The following NKAIN3 variants were observed in gnomAD, a reference collection of about 807,000 sequenced individuals.
NKAIN3 encodes the protein sodium/potassium transporting ATPase interacting 3, also known as sodium/potassium-transporting ATPase subunit beta-1-interacting protein 3.
In NKAIN3, 25 loss-of-function variants were observed where a neutral mutation model predicts 30.2. The ratio of observed to expected loss-of-function variants is 0.83; its 90% CI spans 0.60 to 1.16. The LOEUF (loss-of-function observed/expected upper bound fraction) is 1.16. Ranked by LOEUF, NKAIN3 falls within the 50% of genes most tolerant of loss-of-function variation. The pLI is 0.00. For synonymous variants in NKAIN3, 91 were observed against 89.6 expected (o/e 1.02, Z -0.09); for missense variants, 225 against 254.1 (o/e 0.89, Z 0.78).
intron 5 of NKAIN3, among the ~76,000 whole-genome samples, chr8:62,944,159 CATATAT>C (rs953065096): frequency 1.6e-4 from 25 of 152,022 alleles, no homozygotes; most frequent in Admixed American, 3.3e-4. Flanking sequence ...CCCATTGAAA[CATATAT>C]ATATAACTAT....
intron 1 of NKAIN3, among the ~76,000 whole-genome samples, chr8:62,479,731 G>A (rs1167078101): frequency 1.3e-5 from 2 of 152,150 alleles, no homozygotes. Flanking sequence ...GAGGATCACG[G>A]CTGTTAGGAG....
intron 1 of NKAIN3, among the ~76,000 whole-genome samples, chr8:62,378,412 C>T (rs996476034): frequency 6.6e-6 from 1 of 152,150 alleles, no homozygotes; most frequent in Non-Finnish European, 1.5e-5. Flanking sequence ...TAATAAGGAG[C>T]CAAATGCTAA....
At chr8:62,354,440 TTTTC>T (rs777429357) in intron 1 of NKAIN3, among the ~76,000 whole-genome samples, 1 of 152,090 alleles carries the variant, frequency 6.6e-6, no homozygotes, top group African/African-American at 2.4e-5. Context: ...ACAGTTTCTT[TTTTC>T]TTTCTTTCTT....
intron 1 of NKAIN3, among the ~76,000 whole-genome samples, chr8:62,382,289 A>G (rs529200346): frequency 8.5e-4 from 130 of 152,278 alleles, no homozygotes; most frequent in Non-Finnish European, 1.6e-3. Context: ...TATGTTTACT[A>G]TTCATTAAGT....
intron 4 of NKAIN3, among the ~76,000 whole-genome samples, chr8:62,895,040 A>C (rs1469027040): frequency 6.6e-6 from 1 of 152,212 alleles, no homozygotes; most frequent in Non-Finnish European, 1.5e-5. Context: ...TTAAGGTTTT[A>C]AGTAGGTTTT....
At chr8:62,345,502 T>TGTATATATACACACATATGTATATATAC (rs1563942779) in intron 1 of NKAIN3, among the ~76,000 whole-genome samples, 2 of 20,696 alleles carry the variant, frequency 9.7e-5, no homozygotes, top group African/African-American at 3.5e-4. Context: ...CACACATATA[T>TGTATATATACACACATATGTATATATAC]ACACATATAT....
At chr8:62,895,305 G>A (rs944954322) in intron 4 of NKAIN3, among the ~76,000 whole-genome samples, 3 of 152,198 alleles carry the variant, frequency 2.0e-5, no homozygotes, top group African/African-American at 7.2e-5. Flanking sequence ...TCCTCTAAAA[G>A]ATAGGCTCTG....
chr8:62,947,278 CACTT>C (rs1280011599), intron 5 of NKAIN3, among the ~76,000 whole-genome samples: 3 of 152,150 alleles, frequency 2.0e-5, no homozygotes, highest in Non-Finnish European at 2.9e-5. Flanking sequence ...AGGCAGCAAA[CACTT>C]GCTCAGTGCC....
At chr8:62,433,541 G>A (rs1024332978) in intron 1 of NKAIN3, among the ~76,000 whole-genome samples, 3 of 152,070 alleles carry the variant, frequency 2.0e-5, no homozygotes, top group African/African-American at 7.2e-5. Context: ...TGTCCACTGA[G>A]ACGGTTTTAC....
rs1585633381 is a variant in NKAIN3 at position 62,969,938 on chromosome 8, T to C, written c.*4531T>C. On this transcript the variant is annotated 3_prime_UTR_variant, in exon 7 of 7. Transcript: ENST00000623646. ...GACCAGACACAGTGGCTCATGCCTG[T>C]AATCCCAAAGCTTTGGGAAGTTGAG... Among the ~76,000 whole-genome samples the C allele has an allele frequency of 1.3e-5, 2 of 152,296 alleles. No homozygotes were observed. The highest frequency in any genetic ancestry group is 3.9e-4 in the East Asian group (2 of 5,184).
rs146189608 is a variant in NKAIN3, at chr8:62,756,321, A to G, written c.471+9192A>G. Among the ~76,000 whole-genome samples, 116 of 152,290 alleles carry G rather than the reference A, an allele frequency of 7.6e-4. 1 individual carries two copies. Among genetic ancestry groups the G allele is most frequent in the African/African-American group, 2.4e-3 (101 of 41,580 alleles). On this transcript the variant is annotated intron_variant, in intron 4 of 6. Transcript: ENST00000623646. ...TAGACTTGCCTCTACTGGATATGTC[A>G]TATAAATGTGGTCTTTCGTGTTTGG...
intron 4 of NKAIN3, among the ~76,000 whole-genome samples, chr8:62,849,891 T>C (rs1405264154): frequency 2.0e-5 from 3 of 152,056 alleles, no homozygotes; most frequent in Non-Finnish European, 2.9e-5. Context: ...TCTTTGCTAT[T>C]GTGAATAGTG....
At chr8:62,511,585 G>T (rs1242919815) in intron 1 of NKAIN3, among the ~76,000 whole-genome samples, 1 of 152,110 alleles carries the variant, frequency 6.6e-6, no homozygotes, top group East Asian at 1.9e-4. Flanking sequence ...GAAAGACAAA[G>T]GCCCTGACAT....
intron 4 of NKAIN3, among the ~76,000 whole-genome samples, chr8:62,864,346 G>T (rs564214347): frequency 2.4e-4 from 37 of 152,024 alleles, no homozygotes; most frequent in Non-Finnish European, 4.4e-4. Flanking sequence ...AGATGATGTA[G>T]ATCAGGAACT....
chr8:62,400,401 A>G (rs550254588), intron 1 of NKAIN3, among the ~76,000 whole-genome samples: 2 of 152,128 alleles, frequency 1.3e-5, no homozygotes, highest in South Asian at 4.2e-4. Context: ...CGAACTCCTG[A>G]TCTCAAGTGA....
chr8:62,496,871 T>G (rs543711840), intron 1 of NKAIN3, among the ~76,000 whole-genome samples: 12 of 152,260 alleles, frequency 7.9e-5, no homozygotes, highest in African/African-American at 2.4e-4. Flanking sequence ...ATTTTTAATT[T>G]CCGTACGTGG....
chr8:62,412,084 A>G (rs560665570), intron 1 of NKAIN3, among the ~76,000 whole-genome samples: 60 of 152,326 alleles, frequency 3.9e-4, no homozygotes, highest in East Asian at 3.9e-3. Context: ...ATTCATGTGG[A>G]ACCAAAAAAG....
chr8:62,260,912 G>A (rs1205970404), intron 1 of NKAIN3, among the ~76,000 whole-genome samples: 16 of 152,260 alleles, frequency 1.1e-4, no homozygotes. Flanking sequence ...CATACAGTTT[G>A]TATGGTGGAA....
At chr8:62,788,427 G>C (rs1049469063) in intron 4 of NKAIN3, among the ~76,000 whole-genome samples, 3 of 152,082 alleles carry the variant, frequency 2.0e-5, no homozygotes, top group Admixed American at 6.6e-5. Flanking sequence ...GTAGATTCTG[G>C]ATATTAGCCC....
Sources: gnomAD v4.1 joint callset for allele counts (sites outside exome capture counted in the v4.1 genomes callset) on GRCh38, gnomAD v4.1.1 for gene constraint, MANE v1.5 for transcripts, NCBI Gene and HGNC (gene_info 2026-07-23, HGNC 2026-07-21) for gene names.